Variants in GOLGA7B observed in about 807,000 individuals in gnomAD.
GOLGA7B encodes the protein golgin A7 family member B.
A neutral mutation model predicts 21.5 loss-of-function variants in GOLGA7B; 17 were observed. The ratio of observed to expected loss-of-function variants is 0.79; its 90% confidence interval spans 0.54 to 1.19. GOLGA7B has a LOEUF of 1.19. Among genes scored for constraint, GOLGA7B ranks in the 50% most tolerant of loss-of-function variants. GOLGA7B has a pLI of 0.00. For missense variants in GOLGA7B, 169 were observed against 224.4 expected (o/e 0.75, Z 1.58); for synonymous variants, 87 against 84.0 (o/e 1.04, Z -0.19).
chr10:97,860,896 C>T (rs1026256020), intron 2 of GOLGA7B, among the ~76,000 whole-genome samples: 6 of 152,138 alleles, frequency 3.9e-5, no homozygotes, highest in Admixed American at 6.5e-5. Context: ...ACCTATCCTC[C>T]CCCTTCCCAG....
chr10:97,868,469 A>G lies in GOLGA7B; in HGVS notation c.*2769A>G, dbSNP rs11599660. ...ATCACAAACTCAGGCCTGTTCCCAGAGAGGGGCTCATCAGACTGTGGGGAC... is the reference window on the plus strand; with the variant it reads ...ATCACAAACTCAGGCCTGTTCCCAGGGAGGGGCTCATCAGACTGTGGGGAC... On this transcript the variant is annotated 3_prime_UTR_variant, in exon 5 of 5. Transcript: ENST00000370602. 2,051 of 152,372 alleles carry G rather than the reference A, an allele frequency of 0.013. 20 individuals carry two copies. The highest frequency in any genetic ancestry group is 0.021 in the Non-Finnish European group (1,435 of 68,072). 9.4% of individuals were successfully genotyped at this position (152,372 alleles called of 1,614,324 possible).
At position 97,850,876 on chromosome 10, in the gene GOLGA7B, TG is replaced by T. The variant is rs751203588; in HGVS notation, c.12+562del. Among the ~76,000 whole-genome samples the T allele has an allele frequency of 3.0e-3, 450 of 150,196 alleles. 5 individuals are homozygous for T. Among genetic ancestry groups the T allele is most frequent in the African/African-American group, 0.01 (416 of 40,192 alleles). On this transcript the variant is annotated intron_variant, in intron 1 of 4. Coordinates refer to ENST00000370602, the MANE Select transcript of GOLGA7B (RefSeq NM_001010917.3). ...CCCATTCGAGTTTTTTTTTTTTTTT[TG>T]TCCCAGGGTGTCCAGATTTCCCCTC...
At chr10:97,850,419 T>C in intron 1 of GOLGA7B, 104 bp downstream of exon 1, 1 of 937,238 alleles carries the variant, frequency 1.1e-6, no homozygotes, top group South Asian at 1.7e-5. Flanking sequence ...GGGGGTGGGA[T>C]GGGGTGATTC....
rs1222223836 is a variant in GOLGA7B at position 97,850,217 on chromosome 10, A to ACCG, written c.-78_-76dup. 3 of 900,112 alleles carry ACCG rather than the reference A, an allele frequency of 3.3e-6. No homozygotes were observed. Among genetic ancestry groups the ACCG allele is most frequent in the Non-Finnish European group, 4.4e-6 (3 of 683,844 alleles). 55.8% of individuals were successfully genotyped at this position (900,112 alleles called of 1,614,324 possible). A position where few individuals can be genotyped will look rare whatever the true frequency, so the allele number is the denominator to read the frequency against. The stretch of plus-strand genomic sequence containing the variant: ...GCGCCCCGGGCCCCAGCTCGCCGCC[A>ACCG]CCGCCGCCGCCCACCTGCTCCCGGG... On this transcript the variant is annotated 5_prime_UTR_variant, in exon 1 of 5. Coordinates refer to ENST00000370602, the MANE Select transcript of GOLGA7B (RefSeq NM_001010917.3).
At chr10:97,857,251 T>G (rs1420611405) in intron 1 of GOLGA7B, among the ~76,000 whole-genome samples, 5 of 152,154 alleles carry the variant, frequency 3.3e-5, no homozygotes, top group African/African-American at 1.2e-4. Flanking sequence ...TTAATTTTTG[T>G]ATATGGTGAG....
In GOLGA7B at chr10:97,864,198, G is replaced by T; in HGVS notation, c.322G>T (p.Glu108Ter). The change falls in exon 4 of 5, where the codon GAG (glutamate) becomes TAG (stop). Residue 108 changes from glutamate to a stop codon, truncating the protein, a stop_gained. Coordinates refer to ENST00000370602, the MANE Select transcript of GOLGA7B (RefSeq NM_001010917.3). LOFTEE classifies it high-confidence loss of function. ...CAAGAAGATTTCCCGCTACATCCAG[G>T]AGCAGAATGAGAAGATCTTTGCACC... ...VLKKISRYIQ[E>*]QNEKIFAPRG... 6.2e-7 allele frequency: 1 copy of T among 1,614,168 alleles called. No homozygotes were observed. Among genetic ancestry groups the T allele is most frequent in the East Asian group, 2.2e-5 (1 of 44,872 alleles).
Position 97,865,620 on chromosome 10 carries a change from A to AGCAGTG in GOLGA7B, c.429_434dup (p.Gly144_Ser145dup). The AGCAGTG allele has an allele frequency of 6.2e-7, 1 of 1,613,464 alleles. No homozygotes were observed. Among genetic ancestry groups the AGCAGTG allele is most frequent in the Non-Finnish European group, 8.5e-7 (1 of 1,179,698 alleles). On this transcript the variant is annotated inframe_insertion, in exon 5 of 5. Transcript: ENST00000370602. The stretch of plus-strand genomic sequence containing the variant: ...GATCTCCATCTACGAGGACCGGTGC[A>AGCAGTG]GCAGTGGCAGCTCCAGCAGCGGCAG...
intron 1 of GOLGA7B, among the ~76,000 whole-genome samples, chr10:97,857,568 C>T (rs1225364095): frequency 6.6e-6 from 1 of 152,114 alleles, no homozygotes; most frequent in East Asian, 1.9e-4. Flanking sequence ...ACAGATTTAA[C>T]ACAATCCCTA....
intron 1 of GOLGA7B, among the ~76,000 whole-genome samples, chr10:97,851,032 TC>T (rs1178391933): frequency 6.6e-6 from 1 of 151,732 alleles, no homozygotes; most frequent in Non-Finnish European, 1.5e-5. Flanking sequence ...GGTCGAGGAT[TC>T]CCCCCTCTAC....
At position 97,865,683 on chromosome 10, in the gene GOLGA7B, G is replaced by A. The variant is rs958327725; in HGVS notation, c.487G>A (p.Gly163Arg). 12 of 1,607,018 alleles carry A rather than the reference G, an allele frequency of 7.5e-6. No homozygotes were observed. Among genetic ancestry groups the A allele is most frequent in the Non-Finnish European group, 1.0e-5 (12 of 1,176,816 alleles). The change falls in exon 5 of 5, where the codon GGG becomes AGG. Residue 163 changes from glycine to arginine, a missense_variant. Physicochemically the swap from Gly to Arg is moderately radical, Grantham distance 125. Coordinates refer to ENST00000370602, the MANE Select transcript of GOLGA7B (RefSeq NM_001010917.3). ...TGGCAGCAGCAGCGGTGGGGGTGGTGGGGCGGGGGCCCGGTGACTGGCCGA... is the reference window on the plus strand; with the variant it reads ...TGGCAGCAGCAGCGGTGGGGGTGGTAGGGCGGGGGCCCGGTGACTGGCCGA... Reference protein sequence around the residue: ...GSGSSSGGGGGAGAR With the variant: ...GSGSSSGGGGRAGAR
chr10:97,870,262 C>G lies in GOLGA7B; in HGVS notation c.*4562C>G, dbSNP rs1399296918. 6.6e-6 allele frequency: 1 copy of G among 152,130 alleles called. No homozygotes were observed. Among genetic ancestry groups the G allele is most frequent in the African/African-American group, 2.4e-5 (1 of 41,428 alleles). The allele number at this position is 152,130 out of a possible 1,614,324, so 9.4% of individuals were successfully genotyped here. On this transcript the variant is annotated 3_prime_UTR_variant, in exon 5 of 5. Transcript: ENST00000370602. ...TGAGAATCCCTGGTTTTGACAGTAC[C>G]TATAGCCTATAAGCCTTTAATACAC...
chr10:97,852,231 A>G (rs894519506), intron 1 of GOLGA7B, among the ~76,000 whole-genome samples: 1 of 152,096 alleles, frequency 6.6e-6, no homozygotes, highest in Admixed American at 6.5e-5. Flanking sequence ...CAATTAGCCT[A>G]TTGTGTCACC....
intron 2 of GOLGA7B, among the ~76,000 whole-genome samples, chr10:97,860,911 T>C (rs1237274073): frequency 6.6e-6 from 1 of 152,170 alleles, no homozygotes; most frequent in East Asian, 1.9e-4. Flanking sequence ...TCCCAGACCA[T>C]TGACTCAGAA....
Position 97,867,637 on chromosome 10 carries a change from G to T in GOLGA7B, c.*1937G>T, listed in dbSNP as rs1263662792. 2 of 152,172 alleles carry T rather than the reference G, an allele frequency of 1.3e-5. No homozygotes were observed. Among genetic ancestry groups the T allele is most frequent in the African/African-American group, 4.8e-5 (2 of 41,396 alleles). The allele number at this position is 152,172 out of a possible 1,614,324, so 9.4% of individuals were successfully genotyped here. ...TATGCCCTCCCTGGGCCCCTGTGGG[G>T]CTGGGCATTGTGTCTGACCTGTGCA... On this transcript the variant is annotated 3_prime_UTR_variant, in exon 5 of 5. Coordinates refer to ENST00000370602, the MANE Select transcript of GOLGA7B (RefSeq NM_001010917.3).
intron 1 of GOLGA7B, among the ~76,000 whole-genome samples, chr10:97,857,724 C>T (rs116111559): frequency 9.2e-5 from 14 of 152,276 alleles, no homozygotes; most frequent in African/African-American, 3.4e-4. Context: ...GAACAAATTA[C>T]ATTGCCTGAC....
chr10:97,865,783 GC>G lies in GOLGA7B; in HGVS notation c.*84del. ...CGGCGGCTGCGCTACCAGAGCACCC[GC>G]TTCTGAGTCATTCTTTGGGCTCACC... On this transcript the variant is annotated 3_prime_UTR_variant, in exon 5 of 5. Transcript: ENST00000370602. 6.8e-7 allele frequency: 1 copy of G among 1,461,810 alleles called. No homozygotes were observed. The highest frequency in any genetic ancestry group is 1.4e-5 in the African/African-American group (1 of 71,576). The allele number at this position is 1,461,810 out of a possible 1,614,324, so 90.6% of individuals were successfully genotyped here. A position where few individuals can be genotyped will look rare whatever the true frequency, so the allele number is the denominator to read the frequency against.
chr10:97,850,268 C>T lies in GOLGA7B; in HGVS notation c.-36C>T. 6.8e-7 allele frequency: 1 copy of T among 1,464,490 alleles called. No homozygotes were observed. The highest frequency in any genetic ancestry group is 1.3e-5 in the South Asian group (1 of 76,194). The allele number at this position is 1,464,490 out of a possible 1,614,324, so 90.7% of individuals were successfully genotyped here. A position where few individuals can be genotyped will look rare whatever the true frequency, so the allele number is the denominator to read the frequency against. Reference sequence around the variant, plus strand: ...GTCAGCACCGCGGAGACCCCCCTCGCCCGGCCCCGCGACAGCCTCCGAGCG... The same window carrying T: ...GTCAGCACCGCGGAGACCCCCCTCGTCCGGCCCCGCGACAGCCTCCGAGCG... On this transcript the variant is annotated 5_prime_UTR_variant, in exon 1 of 5. Coordinates refer to ENST00000370602, the MANE Select transcript of GOLGA7B (RefSeq NM_001010917.3).
rs138819524 is a variant in GOLGA7B, at chr10:97,865,581, C to A, written c.394-9C>A. The A allele has an allele frequency of 7.4e-6, 12 of 1,612,686 alleles. No individual in the cohort carries two copies. Among genetic ancestry groups the A allele is most frequent in the African/African-American group, 1.3e-5 (1 of 74,922 alleles). ...TGGGCTCGCAGCTCTCCTTAACCACCGACCCCAGATTGAGATCTCCATCTA... is the reference window on the plus strand; with the variant it reads ...TGGGCTCGCAGCTCTCCTTAACCACAGACCCCAGATTGAGATCTCCATCTA... On this transcript the variant is annotated splice_polypyrimidine_tract_variant and intron_variant, in intron 4 of 4. Transcript: ENST00000370602.
In GOLGA7B at chr10:97,864,230, C is replaced by G; in HGVS notation, c.354C>G (p.Gly118=). 6.2e-7 allele frequency: 1 copy of G among 1,614,168 alleles called. No individual in the cohort carries two copies. The highest frequency in any genetic ancestry group is 1.7e-5 in the Admixed American group (1 of 60,028). ...ATGAGAAGATCTTTGCACCTCGAGG[C>G]CTCCTACTTACAGACCCTGTGGAGC... ...EQNEKIFAPR[G]LLLTDPVERG... is the part of the protein sequence containing the mutation. The change falls in exon 4 of 5, where the codon GGC becomes GGG. Residue 118 remains glycine (G), a synonymous_variant. Coordinates refer to ENST00000370602, the MANE Select transcript of GOLGA7B (RefSeq NM_001010917.3).
Sources: allele counts gnomAD v4.1 joint callset (sites outside exome capture counted in the v4.1 genomes callset), GRCh38; gene constraint gnomAD v4.1.1; transcripts MANE v1.5; gene names NCBI Gene and HGNC (gene_info 2026-07-23, HGNC 2026-07-21).